GRIK2: variants seen among roughly 807,000 people sequenced by gnomAD.
GRIK2 encodes glutamate ionotropic receptor kainate type subunit 2, also known as glutamate receptor ionotropic, kainate 2.
In GRIK2, 32 loss-of-function variants were observed where a neutral mutation model predicts 100.3. The ratio of observed to expected loss-of-function variants is 0.32; its 90% CI spans 0.24 to 0.43. The LOEUF is 0.43. Ranked by LOEUF, GRIK2 falls within the 20% of genes least tolerant of loss-of-function variation. The pLI is 1.00. For synonymous variants in GRIK2, 417 were observed against 389.4 expected (o/e 1.07, Z -0.83); for missense variants, 843 against 1,114.9 (o/e 0.76, Z 3.47).
intron 7 of GRIK2, among the ~76,000 whole-genome samples, chr6:101,737,544 A>G (rs1190933091): frequency 1.3e-5 from 2 of 152,140 alleles, no homozygotes; most frequent in Non-Finnish European, 2.9e-5. Flanking sequence ...TATCACAAGA[A>G]CAGCAGGAGA....
intron 2 of GRIK2, among the ~76,000 whole-genome samples, chr6:101,409,162 G>T (rs1775749964): frequency 6.8e-6 from 1 of 146,568 alleles, no homozygotes; most frequent in East Asian, 2.1e-4. Context: ...GTACAGTTAA[G>T]ATTATAATAC....
intron 2 of GRIK2, among the ~76,000 whole-genome samples, chr6:101,459,340 A>C (rs1476129620): frequency 6.6e-6 from 1 of 152,214 alleles, no homozygotes; most frequent in Non-Finnish European, 1.5e-5. Flanking sequence ...CATATATTAC[A>C]ATTTCTGATG....
At chr6:101,807,060 T>C (rs146495144) in intron 9 of GRIK2, among the ~76,000 whole-genome samples, 3 of 152,038 alleles carry the variant, frequency 2.0e-5, no homozygotes, top group African/African-American at 7.2e-5. Context: ...ATAAAGAATC[T>C]TTATGGAAAT....
intron 10 of GRIK2, among the ~76,000 whole-genome samples, chr6:101,851,887 G>A (rs1035526647): frequency 6.8e-6 from 1 of 148,098 alleles, no homozygotes; most frequent in Non-Finnish European, 1.5e-5. Flanking sequence ...AATCAAGGAA[G>A]TATGGGAGGG....
intron 2 of GRIK2, among the ~76,000 whole-genome samples, chr6:101,419,608 C>G (rs757520706): frequency 1.2e-4 from 19 of 152,172 alleles, no homozygotes; most frequent in African/African-American, 4.6e-4. Flanking sequence ...CATTTACACA[C>G]GCAGTATTCA....
At chr6:101,689,582 A>G (rs972889583) in intron 7 of GRIK2, among the ~76,000 whole-genome samples, 5 of 152,152 alleles carry the variant, frequency 3.3e-5, no homozygotes, top group Non-Finnish European at 5.9e-5. Context: ...ATCATATTAA[A>G]GATGTTAATG....
At chr6:101,523,847 A>G (rs1775010087) in intron 2 of GRIK2, among the ~76,000 whole-genome samples, 1 of 151,638 alleles carries the variant, frequency 6.6e-6, no homozygotes, top group Admixed American at 6.6e-5. Context: ...AGCCTCCCAA[A>G]TAGCTGGGAT....
intron 4 of GRIK2, among the ~76,000 whole-genome samples, chr6:101,674,074 T>A (rs1582936618): frequency 6.6e-6 from 1 of 152,322 alleles, no homozygotes; most frequent in South Asian, 2.1e-4. Context: ...AAGTTGAGAA[T>A]CTTGCTTTGA....
intron 2 of GRIK2, among the ~76,000 whole-genome samples, chr6:101,431,748 A>G (rs1054448624): frequency 3.9e-5 from 6 of 152,222 alleles, no homozygotes; most frequent in Non-Finnish European, 8.8e-5. Flanking sequence ...CTTGGCCTGC[A>G]TGGATACTTT....
At chr6:101,469,129 A>G (rs995789426) in intron 2 of GRIK2, among the ~76,000 whole-genome samples, 4 of 152,180 alleles carry the variant, frequency 2.6e-5, no homozygotes, top group Admixed American at 2.6e-4. Context: ...CAACTAGAAA[A>G]TTGTGTGGTT....
chr6:101,625,590 G>A (rs923697437), intron 3 of GRIK2, among the ~76,000 whole-genome samples: 6 of 151,930 alleles, frequency 3.9e-5, no homozygotes, highest in Non-Finnish European at 8.8e-5. Context: ...CGCTATTTGT[G>A]TCAGTGTGCC....
At chr6:101,598,632 AAAAG>A (rs896126973) in intron 2 of GRIK2, among the ~76,000 whole-genome samples, 7 of 150,742 alleles carry the variant, frequency 4.6e-5, no homozygotes, top group African/African-American at 1.7e-4. Context: ...AAATTTAAAA[AAAAG>A]GAAAAGGAAA....
chr6:101,493,960 ATT>A (rs34316114), intron 2 of GRIK2, among the ~76,000 whole-genome samples: 20,461 of 144,732 alleles, frequency 0.14, 1,553 homozygotes, highest in Middle Eastern at 0.2. Flanking sequence ...TAATATATAT[ATT>A]TTATATATAA....
At chr6:101,613,179 C>G (rs1779755121) in intron 2 of GRIK2, among the ~76,000 whole-genome samples, 1 of 151,626 alleles carries the variant, frequency 6.6e-6, no homozygotes, top group South Asian at 2.1e-4. Context: ...CAGTGACATT[C>G]CTGTAGAAAT....
intron 2 of GRIK2, among the ~76,000 whole-genome samples, chr6:101,553,202 T>C (rs901886471): frequency 4.6e-5 from 7 of 152,238 alleles, no homozygotes; most frequent in South Asian, 4.1e-4. Flanking sequence ...ATAGGTTTAA[T>C]ATGGCACGGC....
chr6:101,974,341 G>T (rs995834480), intron 14 of GRIK2, among the ~76,000 whole-genome samples: 1 of 151,908 alleles, frequency 6.6e-6, no homozygotes, highest in East Asian at 1.9e-4. Context: ...TATACGTCCT[G>T]CCCTCCTTGA....
At chr6:102,010,838 A>G (rs991105731) in intron 14 of GRIK2, among the ~76,000 whole-genome samples, 2 of 151,430 alleles carry the variant, frequency 1.3e-5, no homozygotes, top group African/African-American at 4.9e-5. Context: ...ATTTTCTTTC[A>G]TGTGTTTTCT....
intron 14 of GRIK2, among the ~76,000 whole-genome samples, chr6:101,940,504 T>G (rs1488146203): frequency 2.0e-5 from 3 of 152,158 alleles, no homozygotes; most frequent in Non-Finnish European, 4.4e-5. Context: ...TTAGTAACCA[T>G]GTAATAGCTG....
intron 14 of GRIK2, among the ~76,000 whole-genome samples, chr6:101,975,793 G>GTCTGTCTATCTATCTGTCTATCTA (rs1793328591): frequency 2.1e-5 from 2 of 96,936 alleles, no homozygotes; most frequent in African/African-American, 3.5e-5. Context: ...CTGTCTGTCT[G>GTCTGTCTATCTATCTGTCTATCTA]TCTATCTATC....
Sources: gnomAD v4.1 joint callset for allele counts (sites outside exome capture counted in the v4.1 genomes callset) on GRCh38, gnomAD v4.1.1 for gene constraint, MANE v1.5 for transcripts, NCBI Gene and HGNC (gene_info 2026-07-23, HGNC 2026-07-21) for gene names.